Variants in NECAB1 observed in about 807,000 individuals in gnomAD.
NECAB1 encodes N-terminal EF-hand calcium-binding protein 1.
In NECAB1, 29 loss-of-function variants were observed where a neutral mutation model predicts 57.5. That is an observed-to-expected ratio of 0.50 (90% CI 0.38 to 0.69). The LOEUF (loss-of-function observed/expected upper bound fraction) is 0.69. NECAB1 is among the 30% of genes least tolerant of loss of function. The probability of loss-of-function intolerance (pLI) is 0.00; values close to 1 mark genes in which losing one functional copy is unlikely to be tolerated. For synonymous variants in NECAB1, 142 were observed against 147.7 expected (o/e 0.96, Z 0.28); for missense variants, 372 against 413.8 (o/e 0.90, Z 0.88).
chr8:90,849,024 C>A lies in NECAB1; in HGVS notation c.234-23104C>A, dbSNP rs1400315203. The stretch of plus-strand genomic sequence containing the variant: ...CAAGAACAGCACACAAAAACCCACC[C>A]CCAATGATTCAATTACCTCCCACCC... On this transcript the variant is annotated intron_variant, in intron 3 of 12. Coordinates refer to ENST00000417640, the MANE Select transcript of NECAB1 (RefSeq NM_022351.5). Among the ~76,000 whole-genome samples, 3 of 152,132 alleles carry A rather than the reference C, an allele frequency of 2.0e-5. No homozygotes were observed. In the East Asian group the frequency reaches 5.8e-4, roughly 29 times the overall value.
chr8:90,880,080 T>A (rs1422957731), intron 4 of NECAB1, among the ~76,000 whole-genome samples: 1 of 152,222 alleles, frequency 6.6e-6, no homozygotes, highest in Non-Finnish European at 1.5e-5. Context: ...AAACAAATAT[T>A]TCCTAGAGTA....
Position 90,949,146 on chromosome 8 carries a change from TTGTGTGTGTGTG to T in NECAB1, c.861-621_861-610del, listed in dbSNP as rs59311652. ...ACTTCATCCAGAGACAACAGGCACT[TTGTGTGTGTGTG>T]TGTGTGTGTGTGTGTGTGTGTGTGT... is the stretch of plus-strand genomic sequence containing the variant. On this transcript the variant is annotated intron_variant, in intron 10 of 12. Transcript: ENST00000417640. Among the ~76,000 whole-genome samples the T allele has an allele frequency of 6.7e-3, 868 of 129,956 alleles. 5 individuals carry two copies. Among genetic ancestry groups the T allele is most frequent in the East Asian group, 0.028 (127 of 4,524 alleles). 85.3% of individuals were successfully genotyped at this position (129,956 alleles called of 152,430 possible). A position where few individuals can be genotyped will look rare whatever the true frequency, so the allele number is the denominator to read the frequency against.
intron 6 of NECAB1, among the ~76,000 whole-genome samples, chr8:90,923,425 T>C (rs948052199): frequency 2.6e-5 from 4 of 152,222 alleles, no homozygotes; most frequent in African/African-American, 9.6e-5. Flanking sequence ...AGGGATCTGA[T>C]TAATCCCAGA....
intron 2 of NECAB1, among the ~76,000 whole-genome samples, chr8:90,817,582 C>T (rs1317406725): frequency 2.0e-5 from 3 of 150,554 alleles, no homozygotes; most frequent in African/African-American, 7.3e-5. Flanking sequence ...ATGATTTTTT[C>T]CTATTTAGCC....
chr8:90,799,832 T>C (rs535010527), intron 1 of NECAB1, among the ~76,000 whole-genome samples: 63 of 152,332 alleles, frequency 4.1e-4, no homozygotes, highest in African/African-American at 1.5e-3. Flanking sequence ...TTTTTTCTAA[T>C]TCTGTAAAAA....
intron 5 of NECAB1, among the ~76,000 whole-genome samples, chr8:90,914,078 C>T (rs1317983768): frequency 1.3e-5 from 2 of 152,118 alleles, no homozygotes; most frequent in Non-Finnish European, 2.9e-5. Flanking sequence ...GCCTGACTCT[C>T]CATGTGGGAC....
chr8:90,905,867 C>G (rs1308410043), intron 5 of NECAB1, among the ~76,000 whole-genome samples: 1 of 152,188 alleles, frequency 6.6e-6, no homozygotes, highest in Non-Finnish European at 1.5e-5. Flanking sequence ...TCATCTGTAT[C>G]TAATCTATTT....
intron 5 of NECAB1, among the ~76,000 whole-genome samples, chr8:90,907,188 G>GAGAGAGAGAGAGAGAGAGAGAGA (rs370070496): frequency 7.0e-6 from 1 of 142,552 alleles, no homozygotes; most frequent in East Asian, 2.2e-4. Flanking sequence ...GAGAGAGAGA[G>GAGAGAGAGAGAGAGAGAGAGAGA]AATTAGTAGA....
At chr8:90,938,208 A>G (rs541492344) in intron 9 of NECAB1, among the ~76,000 whole-genome samples, 1 of 152,338 alleles carries the variant, frequency 6.6e-6, no homozygotes, top group South Asian at 2.1e-4. Flanking sequence ...GGCCTTTCAT[A>G]CTTACACAGC....
intron 3 of NECAB1, among the ~76,000 whole-genome samples, chr8:90,829,083 A>T (rs954620804): frequency 2.0e-5 from 3 of 151,946 alleles, no homozygotes; most frequent in Non-Finnish European, 4.4e-5. Context: ...GCCTTATTGC[A>T]CCCTTTCCAG....
chr8:90,930,802 A>G (rs1426379233), intron 8 of NECAB1, among the ~76,000 whole-genome samples: 1 of 152,234 alleles, frequency 6.6e-6, no homozygotes, highest in African/African-American at 2.4e-5. Flanking sequence ...GTGGCTATGG[A>G]AATTAGTTTT....
intron 5 of NECAB1, among the ~76,000 whole-genome samples, chr8:90,893,944 C>T (rs577898635): frequency 2.0e-4 from 30 of 151,796 alleles, no homozygotes; most frequent in African/African-American, 7.0e-4. Flanking sequence ...AATGATTTTA[C>T]CTATGACACA....
intron 5 of NECAB1, among the ~76,000 whole-genome samples, chr8:90,917,291 T>G (rs1178914697): frequency 1.3e-5 from 2 of 152,148 alleles, no homozygotes; most frequent in Non-Finnish European, 2.9e-5. Flanking sequence ...CAGTCATTTC[T>G]GCAGCTTTTT....
intron 9 of NECAB1, among the ~76,000 whole-genome samples, chr8:90,934,872 T>C (rs1160978970): frequency 6.6e-6 from 1 of 152,152 alleles, no homozygotes; most frequent in Non-Finnish European, 1.5e-5. Context: ...CAGCAGTTTT[T>C]GGAAACAGAA....
chr8:90,920,600 A>G (rs1000208059), intron 6 of NECAB1, among the ~76,000 whole-genome samples: 1 of 152,140 alleles, frequency 6.6e-6, no homozygotes, highest in African/African-American at 2.4e-5. Context: ...CGTCTCACCC[A>G]TCTCATGTTA....
intron 5 of NECAB1, among the ~76,000 whole-genome samples, chr8:90,904,212 T>C (rs900370851): frequency 6.6e-6 from 1 of 151,934 alleles, no homozygotes; most frequent in Non-Finnish European, 1.5e-5. Context: ...TCTCTTAATC[T>C]AGATCTGGTA....
chr8:90,834,703 G>A (rs1476959397), intron 3 of NECAB1, among the ~76,000 whole-genome samples: 2 of 152,222 alleles, frequency 1.3e-5, no homozygotes, highest in African/African-American at 2.4e-5. Context: ...ATTGTAAAAA[G>A]AGTTGAAAAT....
At chr8:90,887,474 C>T (rs747125462) in intron 5 of NECAB1, among the ~76,000 whole-genome samples, 7 of 152,028 alleles carry the variant, frequency 4.6e-5, no homozygotes, top group East Asian at 1.9e-4. Flanking sequence ...CCTATTCTTA[C>T]GTATTTTTAA....
chr8:90,842,190 TAAAATA>T (rs957522606), intron 3 of NECAB1, among the ~76,000 whole-genome samples: 2 of 152,216 alleles, frequency 1.3e-5, no homozygotes, highest in Admixed American at 6.5e-5. Context: ...CCCTTAAACT[TAAAATA>T]AAAGGTGGAA....
Sources: allele counts gnomAD v4.1 joint callset (sites outside exome capture counted in the v4.1 genomes callset), GRCh38; gene constraint gnomAD v4.1.1; transcripts MANE v1.5; gene names NCBI Gene and HGNC (gene_info 2026-07-23, HGNC 2026-07-21).